CFH: variants seen among roughly 807,000 people sequenced by gnomAD.
CFH encodes H factor 1 (complement).
CFH carries 53 observed loss-of-function variants against 147.3 expected under a neutral mutation model. The ratio of observed to expected loss-of-function variants is 0.36; its 90% confidence interval spans 0.29 to 0.45. The LOEUF (loss-of-function observed/expected upper bound fraction) is 0.45, where lower values mean the gene tolerates loss of function less well. Among genes scored for constraint, CFH ranks in the 20% least tolerant of loss-of-function variants. The pLI is 1.00. For synonymous variants in CFH, 536 were observed against 489.4 expected (o/e 1.10, Z -1.26); for missense variants, 1,380 against 1,498.0 (o/e 0.92, Z 1.30).
chr1:196,735,696 G>A (rs1426168779), intron 15 of CFH, among the ~76,000 whole-genome samples: 1 of 151,982 alleles, frequency 6.6e-6, no homozygotes, highest in East Asian at 1.9e-4. Context: ...AATCATTCAA[G>A]CATAAATAGT....
At chr1:196,693,268 G>T (rs192242088) in intron 9 of CFH, among the ~76,000 whole-genome samples, 2 of 152,050 alleles carry the variant, frequency 1.3e-5, no homozygotes, top group African/African-American at 2.4e-5. Flanking sequence ...ACTGGCTGTA[G>T]TTTCCTTTAA....
At chr1:196,696,673 C>T (rs1263696721) in intron 9 of CFH, among the ~76,000 whole-genome samples, 1 of 152,146 alleles carries the variant, frequency 6.6e-6, no homozygotes, top group Non-Finnish European at 1.5e-5. Flanking sequence ...TTATATGGAA[C>T]CAAGAAAGAG....
Position 196,737,626 on chromosome 1 carries a change from C to T in CFH, c.2748C>T (p.Tyr916=), listed in dbSNP as rs1652607718. The stretch of plus-strand genomic sequence containing the variant: ...CTGAAGAAAATGAAACAACATGCTA[C>T]ATGGGAAAATGGAGTTCTCCACCTC... ...RISEENETTC[Y]MGKWSSPPQC... Residue 916 remains tyrosine, a synonymous_variant, in exon 17 of 22, where the codon TAC becomes TAT. Transcript: ENST00000367429. 1 of 1,613,384 alleles carries T rather than the reference C, an allele frequency of 6.2e-7. No homozygotes were observed. The highest frequency in any genetic ancestry group is 8.5e-7 in the Non-Finnish European group (1 of 1,179,588).
rs775328018 is a variant in CFH, at chr1:196,691,903, T to C, written c.1336+1664T>C. Among the ~76,000 whole-genome samples, 17 of 152,200 alleles carry C rather than the reference T, an allele frequency of 1.1e-4. 1 individual carries two copies. Among genetic ancestry groups the C allele is most frequent in the Middle Eastern group, 3.4e-3 (1 of 290 alleles). On this transcript the variant is annotated intron_variant, in intron 9 of 21. Transcript: ENST00000367429. ...TTTCATATTTTAAAAATATTTTGTG[T>C]TGATTTTATTCATGATAATGGCTGT... is the stretch of plus-strand genomic sequence containing the variant.
intron 6 of CFH, among the ~76,000 whole-genome samples, chr1:196,682,150 T>C (rs1415893912): frequency 1.3e-5 from 2 of 151,822 alleles, no homozygotes; most frequent in African/African-American, 4.8e-5. Flanking sequence ...GAAAGTTATT[T>C]ATAGAAACAA....
Position 196,652,078 on chromosome 1 carries a change from CAG to C in CFH, c.-37_-36del. On this transcript the variant is annotated 5_prime_UTR_variant, in exon 1 of 22. Coordinates refer to ENST00000367429, the MANE Select transcript of CFH (RefSeq NM_000186.4). Reference sequence around the variant, plus strand: ...GAAGAGGAGAACTGGACGTTGTGAACAGAGTTAGCTGGTAAATGTCCTCTTAA... The same window carrying C: ...GAAGAGGAGAACTGGACGTTGTGAACAGTTAGCTGGTAAATGTCCTCTTAA... The C allele has an allele frequency of 7.2e-7, 1 of 1,398,540 alleles. No homozygotes were observed. The highest frequency in any genetic ancestry group is 1.0e-6 in the Non-Finnish European group (1 of 983,698). The allele number at this position is 1,398,540 out of a possible 1,614,324, so 86.6% of individuals were successfully genotyped here.
chr1:196,738,947 A>G (rs1385593176), intron 17 of CFH, among the ~76,000 whole-genome samples: 3 of 152,206 alleles, frequency 2.0e-5, no homozygotes, highest in Non-Finnish European at 4.4e-5. Context: ...ATCCTCTGCA[A>G]CCTAGTTGTA....
At chr1:196,697,178 T>TTC (rs1668302129) in intron 9 of CFH, among the ~76,000 whole-genome samples, 1 of 152,080 alleles carries the variant, frequency 6.6e-6, no homozygotes, top group Non-Finnish European at 1.5e-5. Flanking sequence ...ACTAAAGAGC[T>TTC]TCTGCACAGC....
At chr1:196,669,063 C>G (rs937478481) in intron 1 of CFH, among the ~76,000 whole-genome samples, 1 of 152,092 alleles carries the variant, frequency 6.6e-6, no homozygotes, top group Non-Finnish European at 1.5e-5. Flanking sequence ...CTGAGGTGGT[C>G]TCAGATGGGG....
At chr1:196,701,312 T>G (rs753275665) in intron 9 of CFH, 10 of 1,613,760 alleles carry the variant, frequency 6.2e-6, no homozygotes, top group Non-Finnish European at 7.6e-6. Context: ...CTTCAATCTT[T>G]CCCAGGCTTT....
intron 9 of CFH, among the ~76,000 whole-genome samples, chr1:196,709,516 G>A (rs776208480): frequency 6.6e-6 from 1 of 152,010 alleles, no homozygotes; most frequent in Admixed American, 6.6e-5. Context: ...AATTGAGAAG[G>A]GATCAAGCCC....
intron 1 of CFH, among the ~76,000 whole-genome samples, chr1:196,661,793 T>C (rs1666914644): frequency 6.6e-6 from 1 of 152,226 alleles, no homozygotes; most frequent in Non-Finnish European, 1.5e-5. Context: ...TGCGGGAAGC[T>C]TAAGTAGAAG....
chr1:196,664,059 G>GT (rs1666993718), intron 1 of CFH, among the ~76,000 whole-genome samples: 1 of 136,958 alleles, frequency 7.3e-6, no homozygotes, highest in Admixed American at 6.8e-5. Flanking sequence ...ATGTTTTCCT[G>GT]TTTTTTTCCC....
chr1:196,655,561 G>A (rs562295288), intron 1 of CFH, among the ~76,000 whole-genome samples: 7 of 152,262 alleles, frequency 4.6e-5, no homozygotes, highest in African/African-American at 1.7e-4. Flanking sequence ...TGGTTTCTAA[G>A]ATCTGAGCCA....
At chr1:196,737,128 A>G (rs1669425596) in intron 16 of CFH, 122 bp downstream of exon 16, 1 of 885,410 alleles carries the variant, frequency 1.1e-6, no homozygotes, top group Admixed American at 2.2e-5. Context: ...GACAAAATAA[A>G]TTAGGACCTA....
intron 15 of CFH, among the ~76,000 whole-genome samples, chr1:196,733,379 C>T (rs922896705): frequency 6.6e-5 from 10 of 151,984 alleles, no homozygotes; most frequent in African/African-American, 2.2e-4. Flanking sequence ...CATTTTAAGA[C>T]CATCTATTTG....
chr1:196,720,029 C>T (rs1341356797), intron 11 of CFH, among the ~76,000 whole-genome samples: 4 of 151,512 alleles, frequency 2.6e-5, no homozygotes, highest in African/African-American at 9.7e-5. Flanking sequence ...GTGCATATAT[C>T]TTCACTAATA....
chr1:196,745,722 T>C, intron 20 of CFH, 95 bp from the exon 21 acceptor site: 2 of 1,535,220 alleles, frequency 1.3e-6, no homozygotes, highest in Non-Finnish European at 1.8e-6. Context: ...AAACTGTTGA[T>C]ATTATATACA....
chr1:196,716,475 G>A (rs1668872744), intron 11 of CFH, among the ~76,000 whole-genome samples: 1 of 152,078 alleles, frequency 6.6e-6, no homozygotes, highest in African/African-American at 2.4e-5. Flanking sequence ...CCATAAAAGA[G>A]TTTTAAGAAA....
Sources: allele counts gnomAD v4.1 joint callset (sites outside exome capture counted in the v4.1 genomes callset), GRCh38; gene constraint gnomAD v4.1.1; transcripts MANE v1.5; gene names NCBI Gene and HGNC (gene_info 2026-07-23, HGNC 2026-07-21).